The following PPP3CA variants were observed in gnomAD, a reference collection of about 807,000 sequenced individuals.
PPP3CA encodes the protein CAM-PRP catalytic subunit.
In PPP3CA, 14 loss-of-function variants were observed where a neutral mutation model predicts 66.5. That is an observed-to-expected ratio of 0.21 (90% CI 0.14 to 0.33). PPP3CA has a LOEUF of 0.33. PPP3CA is among the 10% of genes least tolerant of loss of function. The probability of loss-of-function intolerance (pLI) is 1.00; values close to 1 mark genes in which losing one functional copy is unlikely to be tolerated. For synonymous variants in PPP3CA, 232 were observed against 226.2 expected (o/e 1.03, Z -0.23); for missense variants, 317 against 639.5 (o/e 0.50, Z 5.44).
chr4:101,321,223 C>G (rs1330947793), intron 1 of PPP3CA, among the ~76,000 whole-genome samples: 1 of 152,128 alleles, frequency 6.6e-6, no homozygotes, highest in African/African-American at 2.4e-5. Context: ...AAGGATAGAT[C>G]TACAGAGGTA....
intron 10 of PPP3CA, among the ~76,000 whole-genome samples, chr4:101,053,175 C>T (rs1241874278): frequency 6.6e-6 from 1 of 152,026 alleles, no homozygotes; most frequent in African/African-American, 2.4e-5. Flanking sequence ...GAATAGGGCA[C>T]ACTGAATTTT....
rs914773783 is a variant in PPP3CA at position 101,025,686 on chromosome 4, A to G, written c.*179T>C. 9.4e-5 allele frequency: 46 copies of G among 490,164 alleles called. No homozygotes were observed. In the East Asian group the frequency reaches 1.5e-3, roughly 15 times the overall value. 30.4% of individuals were successfully genotyped at this position (490,164 alleles called of 1,614,324 possible). ...CACCATCCCCACCAAAATATAGTTT[A>G]TTATCTCTCTCCCTCTTTTTTAATG... On this transcript the variant is annotated 3_prime_UTR_variant, in exon 14 of 14. Coordinates refer to ENST00000394854, the MANE Select transcript of PPP3CA (RefSeq NM_000944.5).
intron 1 of PPP3CA, among the ~76,000 whole-genome samples, chr4:101,255,952 A>AT (rs1348904139): frequency 6.6e-6 from 1 of 151,922 alleles, no homozygotes; most frequent in Admixed American, 6.6e-5. Context: ...TTTAAATACG[A>AT]TAATGAATAA....
intron 1 of PPP3CA, among the ~76,000 whole-genome samples, chr4:101,251,645 G>A (rs1265736985): frequency 6.6e-6 from 1 of 152,062 alleles, no homozygotes; most frequent in Non-Finnish European, 1.5e-5. Flanking sequence ...GAGATTAAAA[G>A]CAACATGCAA....
Position 101,144,743 on chromosome 4 carries a change from G to A in PPP3CA, c.260-35665C>T, listed in dbSNP as rs72915985. 3.7e-3 allele frequency among the ~76,000 whole-genome samples: 558 copies of A among 152,208 alleles called. 3 individuals carry two copies. The highest frequency in any genetic ancestry group is 0.013 in the African/African-American group (530 of 41,520). ...ACAAACATTTCTGAGCTAAATAGAAGAATGATATTCTATTTAGTCCACTTC... is the reference window on the plus strand; with the variant it reads ...ACAAACATTTCTGAGCTAAATAGAAAAATGATATTCTATTTAGTCCACTTC... On this transcript the variant is annotated intron_variant, in intron 2 of 13. Transcript: ENST00000394854.
chr4:101,296,684 G>T (rs1222037044), intron 1 of PPP3CA, among the ~76,000 whole-genome samples: 2 of 152,030 alleles, frequency 1.3e-5, no homozygotes, highest in Non-Finnish European at 2.9e-5. Context: ...TTTCCTGAGG[G>T]TTTCAACTAG....
At chr4:101,173,520 ACTTATT>A (rs1042724217) in intron 2 of PPP3CA, among the ~76,000 whole-genome samples, 5 of 152,266 alleles carry the variant, frequency 3.3e-5, no homozygotes, top group African/African-American at 9.6e-5. Flanking sequence ...TACACTACAC[ACTTATT>A]CTTATCCACT....
chr4:101,167,753 G>T (rs1443438352), intron 2 of PPP3CA, among the ~76,000 whole-genome samples: 3 of 152,112 alleles, frequency 2.0e-5, no homozygotes, highest in Admixed American at 6.6e-5. Context: ...GTCAGGGCTG[G>T]TATAATTATG....
chr4:101,026,904 C>T (rs1325284397), intron 13 of PPP3CA, among the ~76,000 whole-genome samples: 4 of 152,134 alleles, frequency 2.6e-5, no homozygotes, highest in Non-Finnish European at 5.9e-5. Flanking sequence ...AAAAAAATGC[C>T]TTTCACAATA....
At chr4:101,103,895 C>A (rs528347936) in intron 3 of PPP3CA, among the ~76,000 whole-genome samples, 63 of 152,308 alleles carry the variant, frequency 4.1e-4, no homozygotes, top group African/African-American at 1.5e-3. Flanking sequence ...ATGCAATCAT[C>A]GGCAAGAGCA....
chr4:101,027,284 G>A (rs925577801), intron 13 of PPP3CA, among the ~76,000 whole-genome samples: 86 of 151,468 alleles, frequency 5.7e-4, no homozygotes, highest in African/African-American at 1.7e-3. Context: ...AAGGAAAGCA[G>A]TTTCAAGCTG....
chr4:101,213,906 G>A lies in PPP3CA; in HGVS notation c.59-17790C>T, dbSNP rs147978924. Among the ~76,000 whole-genome samples the A allele has an allele frequency of 7.7e-3, 1,167 of 152,206 alleles. 10 individuals carry two copies. Among genetic ancestry groups the A allele is most frequent in the Non-Finnish European group, 0.012 (833 of 68,016 alleles). On this transcript the variant is annotated intron_variant, in intron 1 of 13. Transcript: ENST00000394854. ...CTAAAAAATCTACCTAGAGAAGAAGGAAATTGAAGAATTCCAAGCAAAGAA... is the reference window on the plus strand; with the variant it reads ...CTAAAAAATCTACCTAGAGAAGAAGAAAATTGAAGAATTCCAAGCAAAGAA...
intron 2 of PPP3CA, among the ~76,000 whole-genome samples, chr4:101,183,662 C>T (rs1389795644): frequency 1.3e-5 from 2 of 152,092 alleles, no homozygotes; most frequent in Non-Finnish European, 1.5e-5. Flanking sequence ...AATTTTGATT[C>T]TCAAAGTTAC....
At chr4:101,312,153 T>A (rs1728742212) in intron 1 of PPP3CA, among the ~76,000 whole-genome samples, 1 of 152,160 alleles carries the variant, frequency 6.6e-6, no homozygotes, top group Non-Finnish European at 1.5e-5. Context: ...ACATATACTT[T>A]TGATTAAACT....
At chr4:101,258,653 C>A (rs562511035) in intron 1 of PPP3CA, among the ~76,000 whole-genome samples, 1 of 152,122 alleles carries the variant, frequency 6.6e-6, no homozygotes, top group South Asian at 2.1e-4. Flanking sequence ...CTAAACTACT[C>A]CTTTACCACC....
intron 2 of PPP3CA, among the ~76,000 whole-genome samples, chr4:101,118,775 A>C (rs1339281373): frequency 6.6e-6 from 1 of 151,978 alleles, no homozygotes; most frequent in African/African-American, 2.4e-5. Context: ...CAGAATGCAT[A>C]GACTTCTAAT....
At chr4:101,219,184 T>C (rs537378704) in intron 1 of PPP3CA, among the ~76,000 whole-genome samples, 1 of 152,132 alleles carries the variant, frequency 6.6e-6, no homozygotes, top group African/African-American at 2.4e-5. Flanking sequence ...TGCTTCAAAG[T>C]TTCCTATTTC....
chr4:101,320,290 A>C (rs984859663), intron 1 of PPP3CA, among the ~76,000 whole-genome samples: 1 of 152,098 alleles, frequency 6.6e-6, no homozygotes, highest in Admixed American at 6.6e-5. Context: ...ATTCCCTATA[A>C]GCTGCCCAAA....
chr4:101,292,081 AACACACACAC>A (rs3974776), intron 1 of PPP3CA, among the ~76,000 whole-genome samples: 1,850 of 130,540 alleles, frequency 0.014, 32 homozygotes, highest in Middle Eastern at 0.037. Flanking sequence ...TGAGCCCATG[AACACACACAC>A]ACACACACAC....
Sources: allele counts gnomAD v4.1 joint callset (sites outside exome capture counted in the v4.1 genomes callset), GRCh38; gene constraint gnomAD v4.1.1; transcripts MANE v1.5; gene names NCBI Gene and HGNC (gene_info 2026-07-23, HGNC 2026-07-21).